Variants in SCN1A observed in about 807,000 individuals in gnomAD.
SCN1A encodes the protein sodium voltage-gated channel alpha subunit 1.
Under a neutral mutation model 193.7 loss-of-function variants are expected in SCN1A, and 13 were observed. That is an observed-to-expected ratio of 0.07 (90% confidence interval 0.04 to 0.11). The LOEUF (loss-of-function observed/expected upper bound fraction) is 0.11. Ranked by LOEUF, SCN1A falls within the 10% of genes least tolerant of loss-of-function variation. The probability of loss-of-function intolerance (pLI) is 1.00; values close to 1 mark genes in which losing one functional copy is unlikely to be tolerated. For missense variants in SCN1A, 1,432 were observed against 2,451.1 expected (o/e 0.58, Z 8.78); for synonymous variants, 781 against 843.6 (o/e 0.93, Z 1.29).
intron 2 of SCN1A, among the ~76,000 whole-genome samples, chr2:166,119,507 T>G (rs909562268): frequency 6.6e-6 from 1 of 152,194 alleles, no homozygotes. Context: ...CAATTTGAGG[T>G]CAAGTTTTGC....
chr2:166,139,029 G>A (rs576510086), intron 1 of SCN1A, among the ~76,000 whole-genome samples: 1 of 152,248 alleles, frequency 6.6e-6, no homozygotes, highest in Non-Finnish European at 1.5e-5. Flanking sequence ...TAGTTCCTCT[G>A]TTTTGGCCAA....
intron 4 of SCN1A, among the ~76,000 whole-genome samples, chr2:166,067,901 C>T (rs960800793): frequency 1.3e-5 from 2 of 152,082 alleles, no homozygotes; most frequent in Non-Finnish European, 2.9e-5. Flanking sequence ...GTGAGTGGTT[C>T]AGAGGAGGCC....
intron 19 of SCN1A, among the ~76,000 whole-genome samples, chr2:166,030,720 G>A (rs910461014): frequency 2.6e-5 from 4 of 151,646 alleles, no homozygotes; most frequent in Non-Finnish European, 4.4e-5. Context: ...TTTGCTCATA[G>A]TAGAGTTAAG....
At position 165,991,329 on chromosome 2, in the gene SCN1A, A is replaced by G. The variant is rs1223504339; in HGVS notation, c.5946T>C (p.Cys1982=). Reference sequence around the variant, plus strand: ...TTGTCACCCGGTCATAGGAAGGTGGACAAGCTGCAGTGGACATGGTCAGAT... The same window carrying G: ...TTGTCACCCGGTCATAGGAAGGTGGGCAAGCTGCAGTGGACATGGTCAGAT... The part of the protein sequence containing the change: ...KTDLTMSTAA[C]PPSYDRVTKP... The change falls in exon 29 of 29, where the codon TGT becomes TGC. Residue 1982 remains cysteine (C), a synonymous_variant. Transcript: ENST00000674923. 2 of 1,613,406 alleles carry G rather than the reference A, an allele frequency of 1.2e-6. No homozygotes were observed. The highest frequency in any genetic ancestry group is 8.5e-7 in the Non-Finnish European group (1 of 1,179,784).
At chr2:166,049,858 G>A (rs918763127) in intron 9 of SCN1A, among the ~76,000 whole-genome samples, 2 of 151,838 alleles carry the variant, frequency 1.3e-5, no homozygotes, top group Admixed American at 6.6e-5. Flanking sequence ...GTTTGAGACC[G>A]GGTAGCCTTT....
chr2:166,112,795 A>G (rs1253585161), intron 2 of SCN1A, among the ~76,000 whole-genome samples: 1 of 152,158 alleles, frequency 6.6e-6, no homozygotes. Flanking sequence ...AAAGACCTGC[A>G]TCTGCAAGGG....
At chr2:166,039,691 A>G (rs987373891) in intron 16 of SCN1A, 95 bp from the exon 17 acceptor site, 5 of 1,101,698 alleles carry the variant, frequency 4.5e-6, no homozygotes, top group Admixed American at 2.0e-5. Context: ...CTATTTTCCC[A>G]CAATGATTCT....
chr2:166,132,232 T>C (rs1691688761), upstream of SCN1A, among the ~76,000 whole-genome samples: 1 of 152,176 alleles, frequency 6.6e-6, no homozygotes, highest in Non-Finnish European at 1.5e-5. Context: ...AGATTTTAGA[T>C]CTACAGGACC....
chr2:166,090,873 CAA>C (rs1014144289), intron 2 of SCN1A, among the ~76,000 whole-genome samples: 2 of 152,184 alleles, frequency 1.3e-5, no homozygotes, highest in Non-Finnish European at 2.9e-5. Flanking sequence ...TAATCCTAAT[CAA>C]ATAGTGCAAA....
chr2:166,023,451 C>T lies in SCN1A; in HGVS notation c.3430-7724G>A, dbSNP rs373535896. On this transcript the variant is annotated intron_variant, in intron 19 of 28. Transcript: ENST00000674923. ...TTGCTCAAATAATTCTTCCTTTAGC[C>T]CATTTTTTAAATATGTAAAATGAAG... 3.1e-4 allele frequency among the ~76,000 whole-genome samples: 47 copies of T among 152,270 alleles called. No homozygotes were observed. The South Asian group carries it at 6.6e-3, about 22-fold the overall frequency.
Position 166,039,504 on chromosome 2 carries a change from G to A in SCN1A, c.2508C>T (p.Asp836=), listed in dbSNP as rs575554223. 1.2e-5 allele frequency: 19 copies of A among 1,612,966 alleles called. 1 individual carries two copies. Among genetic ancestry groups the A allele is most frequent in the South Asian group, 5.5e-5 (5 of 91,058 alleles). ...CCAGGCTAAGCGTCACAATAAAACCGTCAAAGATATTCCAGCCTTCTTGGA... is the reference window on the plus strand; with the variant it reads ...CCAGGCTAAGCGTCACAATAAAACCATCAAAGATATTCCAGCCTTCTTGGA... ...YYFQEGWNIF[D]GFIVTLSLVE... is the part of the protein sequence containing the mutation. The change falls in exon 17 of 29, where the codon GAC becomes GAT. Residue 836 remains aspartate (D), a synonymous_variant. Transcript: ENST00000674923.
intron 7 of SCN1A, chr2:166,053,279 C>T (rs532648504): frequency 1.0e-5 from 6 of 598,720 alleles, no homozygotes; most frequent in African/African-American, 7.4e-5. Context: ...TCTTTGTTCA[C>T]ATAATTTAAG....
intron 2 of SCN1A, among the ~76,000 whole-genome samples, chr2:166,118,298 G>GCTTTTTT (rs371947861): frequency 4.5e-5 from 2 of 44,694 alleles, no homozygotes; most frequent in Non-Finnish European, 8.9e-5. Flanking sequence ...TTTCTATTTA[G>GCTTTTTT]TTTCTTTTTT....
chr2:166,035,115 T>C (rs1350582836), intron 19 of SCN1A, among the ~76,000 whole-genome samples: 4 of 152,218 alleles, frequency 2.6e-5, no homozygotes, highest in Non-Finnish European at 5.9e-5. Context: ...TCAATGTACA[T>C]GAGCCAATGT....
chr2:166,030,003 C>T (rs138114063), intron 19 of SCN1A, among the ~76,000 whole-genome samples: 5 of 152,286 alleles, frequency 3.3e-5, no homozygotes, highest in African/African-American at 1.2e-4. Context: ...CTCTGAAACA[C>T]TCCAGACTAT....
rs886055040 is a variant in SCN1A, at chr2:165,991,116, A to C, written c.*129T>G. 140 of 792,156 alleles carry C rather than the reference A, an allele frequency of 1.8e-4. 2 individuals are homozygous for C. The Admixed American group carries it at 3.3e-3, about 19-fold the overall frequency. 49.1% of individuals were successfully genotyped at this position (792,156 alleles called of 1,614,324 possible). A position where few individuals can be genotyped will look rare whatever the true frequency, so the allele number is the denominator to read the frequency against. Reference sequence around the variant, plus strand: ...GGTCACTGTCTTATTGTAGGCACTGACCTTAAGGAGATTTGTGTAAAAACA... The same window carrying C: ...GGTCACTGTCTTATTGTAGGCACTGCCCTTAAGGAGATTTGTGTAAAAACA... On this transcript the variant is annotated 3_prime_UTR_variant, in exon 29 of 29. Transcript: ENST00000674923.
intron 23 of SCN1A, among the ~76,000 whole-genome samples, chr2:166,006,965 C>T (rs1213506615): frequency 6.6e-6 from 1 of 151,252 alleles, no homozygotes; most frequent in Admixed American, 6.6e-5. Flanking sequence ...ATGGATAACT[C>T]CATATACACA....
intron 14 of SCN1A, 97 bp from the exon 15 acceptor site, chr2:166,042,521 C>T: frequency 9.1e-7 from 1 of 1,103,778 alleles, no homozygotes; most frequent in Non-Finnish European, 1.4e-6. Flanking sequence ...GAAACACATG[C>T]ATCATGCACT....
At chr2:166,052,399 C>T (rs182843664) in intron 8 of SCN1A, among the ~76,000 whole-genome samples, 1 of 151,942 alleles carries the variant, frequency 6.6e-6, no homozygotes, top group Admixed American at 6.6e-5. Flanking sequence ...GCTGTACAAC[C>T]GAAAATGGTC....
Sources: allele counts gnomAD v4.1 joint callset (sites outside exome capture counted in the v4.1 genomes callset), GRCh38; gene constraint gnomAD v4.1.1; transcripts MANE v1.5; gene names NCBI Gene and HGNC (gene_info 2026-07-23, HGNC 2026-07-21).